The following SPAG9 variants were observed in gnomAD, a reference collection of about 807,000 sequenced individuals.
SPAG9 encodes C-Jun-amino-terminal kinase-interacting protein 4.
SPAG9 carries 35 observed loss-of-function variants against 166.5 expected under a neutral mutation model. The observed-to-expected ratio is 0.21, with a 90% confidence interval of 0.16 to 0.28. The LOEUF is 0.28. Among genes scored for constraint, SPAG9 ranks in the 10% least tolerant of loss-of-function variants. The pLI, the probability that SPAG9 is intolerant of heterozygous loss-of-function variation, is 1.00. For missense variants in SPAG9, 1,235 were observed against 1,603.3 expected (o/e 0.77, Z 3.92); for synonymous variants, 534 against 565.5 (o/e 0.94, Z 0.79).
chr17:51,075,581 TG>T (rs1158735750), intron 2 of SPAG9, among the ~76,000 whole-genome samples: 2 of 152,152 alleles, frequency 1.3e-5, no homozygotes, highest in Non-Finnish European at 2.9e-5. Flanking sequence ...TCCCAGCATT[TG>T]GGGGGCCAAG....
At chr17:51,119,767 G>C (rs1194575133) in intron 1 of SPAG9, among the ~76,000 whole-genome samples, 2 of 152,126 alleles carry the variant, frequency 1.3e-5, no homozygotes, top group Non-Finnish European at 2.9e-5. Flanking sequence ...TATTTATTGA[G>C]TACTGCCACA....
chr17:50,996,491 A>C, intron 16 of SPAG9, 74 bp downstream of exon 16: 1 of 1,561,400 alleles, frequency 6.4e-7, no homozygotes, highest in Non-Finnish European at 8.8e-7. Flanking sequence ...CGTACAGTGA[A>C]TCCTTCATGC....
At chr17:51,067,331 A>C (rs111804152) in intron 2 of SPAG9, among the ~76,000 whole-genome samples, 6 of 152,324 alleles carry the variant, frequency 3.9e-5, no homozygotes, top group African/African-American at 1.4e-4. Context: ...CCATCTCTTT[A>C]AAGTCCTGAA....
chr17:51,079,065 G>A (rs1419995091), intron 2 of SPAG9, among the ~76,000 whole-genome samples: 1 of 152,038 alleles, frequency 6.6e-6, no homozygotes, highest in Non-Finnish European at 1.5e-5. Flanking sequence ...CGATATATCT[G>A]GTTTAGTCAG....
At chr17:50,970,525 AAAAG>A (rs1198583889) in intron 29 of SPAG9, among the ~76,000 whole-genome samples, 178 bp downstream of exon 29, 36 of 152,000 alleles carry the variant, frequency 2.4e-4, no homozygotes, top group Admixed American at 4.6e-4. Flanking sequence ...AAAAAAAAAA[AAAAG>A]AAAGAAATAC....
chr17:51,032,230 C>T (rs1464633798), intron 5 of SPAG9, among the ~76,000 whole-genome samples: 2 of 152,136 alleles, frequency 1.3e-5, no homozygotes, highest in Non-Finnish European at 2.9e-5. Flanking sequence ...GACACGATCA[C>T]GGCTTGCTGC....
chr17:51,107,906 C>T (rs1439656668), intron 1 of SPAG9, among the ~76,000 whole-genome samples: 3 of 148,474 alleles, frequency 2.0e-5, no homozygotes, highest in Non-Finnish European at 4.5e-5. Context: ...TAGCATGAGA[C>T]ACTGTCTCAA....
At chr17:51,079,477 G>T in intron 2 of SPAG9, 107 bp downstream of exon 2, 1 of 1,003,100 alleles carries the variant, frequency 1.0e-6, no homozygotes, top group Non-Finnish European at 1.5e-6. Context: ...GAACCCAAGT[G>T]ATCCTCCTAC....
chr17:51,030,857 TCA>T (rs1282523080), intron 6 of SPAG9: 1 of 151,640 alleles, frequency 6.6e-6, no homozygotes, highest in Non-Finnish European at 1.5e-5. Flanking sequence ...TAGGAGAAAG[TCA>T]CAGATATCCT....
At chr17:51,012,215 T>A (rs1222573627) in intron 9 of SPAG9, among the ~76,000 whole-genome samples, 1 of 152,202 alleles carries the variant, frequency 6.6e-6, no homozygotes, top group African/African-American at 2.4e-5. Flanking sequence ...TTTTCAGGTA[T>A]AATTTGATGT....
At chr17:51,048,606 A>G (rs1472482970) in intron 3 of SPAG9, among the ~76,000 whole-genome samples, 1 of 152,182 alleles carries the variant, frequency 6.6e-6, no homozygotes, top group Non-Finnish European at 1.5e-5. Flanking sequence ...ATATTAAGTA[A>G]CAAAATAAAA....
intron 28 of SPAG9, among the ~76,000 whole-genome samples, chr17:50,971,813 G>A (rs924479332): frequency 6.6e-6 from 1 of 151,632 alleles, no homozygotes; most frequent in African/African-American, 2.4e-5. Context: ...TGTGGCCCAG[G>A]TTAGAGTGCA....
chr17:51,005,173 TGGTAA>T (rs1567987576), intron 12 of SPAG9, 34 bp downstream of exon 12: 15 of 1,576,666 alleles, frequency 9.5e-6, no homozygotes, highest in Non-Finnish European at 1.3e-5. Context: ...CACCAAAACA[TGGTAA>T]GGTAAGAAAA....
intron 1 of SPAG9, among the ~76,000 whole-genome samples, chr17:51,095,166 G>A (rs549326371): frequency 4.6e-5 from 7 of 151,720 alleles, no homozygotes; most frequent in Admixed American, 6.6e-5. Flanking sequence ...GCGTGGTGGC[G>A]GGCACCTGTA....
rs140975450 is a variant in SPAG9, at chr17:51,042,056, G to A, written c.591-405C>T. Among the ~76,000 whole-genome samples, 1,178 of 152,118 alleles carry A rather than the reference G, an allele frequency of 7.7e-3. 15 individuals carry two copies. Among genetic ancestry groups the A allele is most frequent in the African/African-American group, 0.023 (962 of 41,494 alleles). On this transcript the variant is annotated intron_variant, in intron 4 of 29. Coordinates refer to ENST00000262013, the MANE Select transcript of SPAG9 (RefSeq NM_001130528.3). The stretch of plus-strand genomic sequence containing the variant: ...AACCCATTTCTTCCCAAATCCTCTC[G>A]CTAATCCCTGGATGTTTACTGAAGC...
chr17:50,997,923 A>T (rs537424330), intron 15 of SPAG9, among the ~76,000 whole-genome samples: 8 of 151,492 alleles, frequency 5.3e-5, no homozygotes, highest in Admixed American at 3.9e-4. Context: ...TGAGGCATTT[A>T]AAAAAAAATC....
chr17:51,030,866 T>C (rs2046358241), intron 6 of SPAG9: 2 of 151,504 alleles, frequency 1.3e-5, no homozygotes, highest in South Asian at 2.1e-4. Context: ...GTCACAGATA[T>C]CCTGTTATCC....
chr17:51,068,624 C>CA (rs1383187534), intron 2 of SPAG9, among the ~76,000 whole-genome samples: 1 of 152,122 alleles, frequency 6.6e-6, no homozygotes, highest in Admixed American at 6.5e-5. Flanking sequence ...CAACCAAAGC[C>CA]AAAAAATTCA....
intron 27 of SPAG9, chr17:50,975,755 T>A: frequency 6.4e-6 from 5 of 780,702 alleles, no homozygotes; most frequent in Admixed American, 2.2e-5. Context: ...TGACTGCAAG[T>A]GGATAACATT....
Sources: gnomAD v4.1 joint callset for allele counts (sites outside exome capture counted in the v4.1 genomes callset) on GRCh38, gnomAD v4.1.1 for gene constraint, MANE v1.5 for transcripts, NCBI Gene and HGNC (gene_info 2026-07-23, HGNC 2026-07-21) for gene names.